The following FAM228B variants were observed in gnomAD, a reference collection of about 807,000 sequenced individuals.
FAM228B encodes family with sequence similarity 228 member B.
FAM228B carries 38 observed loss-of-function variants against 42.6 expected under a neutral mutation model. The observed-to-expected ratio is 0.89, with a 90% CI of 0.69 to 1.17. FAM228B has a LOEUF of 1.17. FAM228B is among the 50% of genes most tolerant of loss of function. The probability of loss-of-function intolerance (pLI) is 0.00; values close to 1 mark genes in which losing one functional copy is unlikely to be tolerated. For missense variants in FAM228B, 344 were observed against 367.3 expected (o/e 0.94, Z 0.52); for synonymous variants, 109 against 122.3 (o/e 0.89, Z 0.72).
upstream of FAM228B, chr2:24,123,327 G>T (rs1027728115): frequency 2.0e-5 from 3 of 152,218 alleles, no homozygotes; most frequent in Non-Finnish European, 2.9e-5. Context: ...GGTGGCGGCG[G>T]CAGGATTGGC....
Position 24,158,214 on chromosome 2 carries a change from C to CTTTTTTTTTTTTT in FAM228B, c.687-3292_687-3291insTTTTTTTTTTTTT, listed in dbSNP as rs1206913020. Among the ~76,000 whole-genome samples, 5 of 95,704 alleles carry CTTTTTTTTTTTTT rather than the reference C, an allele frequency of 5.2e-5. 1 individual carries two copies. The highest frequency in any genetic ancestry group is 9.3e-5 in the Non-Finnish European group (5 of 53,784). 62.8% of individuals were successfully genotyped at this position (95,704 alleles called of 152,430 possible). A position where few individuals can be genotyped will look rare whatever the true frequency, so the allele number is the denominator to read the frequency against. The stretch of plus-strand genomic sequence containing the variant: ...GAACCTCCTTTTTTTTTTTTTTTTT[C>CTTTTTTTTTTTTT]CAAAACATTGTTCCCAAGACTCTAT... On this transcript the variant is annotated intron_variant, in intron 7 of 10. Coordinates refer to ENST00000615575, the MANE Select transcript of FAM228B (RefSeq NM_001145710.2).
chr2:24,126,880 T>C (rs1334420593), intron 2 of FAM228B, among the ~76,000 whole-genome samples: 5 of 152,190 alleles, frequency 3.3e-5, no homozygotes, highest in African/African-American at 9.6e-5. Context: ...CGCCTCGGCC[T>C]CCCAAAGTGC....
At chr2:24,092,391 A>G (rs918369514) in intron 2 of FAM228B, among the ~76,000 whole-genome samples, 1 of 152,032 alleles carries the variant, frequency 6.6e-6, no homozygotes, top group Admixed American at 6.6e-5. Context: ...CCTGGCCAAC[A>G]TGGTGAAACC....
At chr2:24,097,229 A>T (rs559433642) in intron 3 of FAM228B, 1 of 152,304 alleles carries the variant, frequency 6.6e-6, no homozygotes, top group East Asian at 1.9e-4. Context: ...AACGGGCAAA[A>T]TAACCAGCGA....
chr2:24,123,745 C>T (rs1239545413), intron 1 of FAM228B, among the ~76,000 whole-genome samples: 2 of 151,572 alleles, frequency 1.3e-5, no homozygotes, highest in African/African-American at 4.8e-5. Context: ...GCGCGGGAGG[C>T]CCCCGGCCCG....
chr2:24,124,537 T>C (rs969891469), intron 2 of FAM228B, 77 bp downstream of exon 2: 2 of 800,172 alleles, frequency 2.5e-6, no homozygotes, highest in African/African-American at 3.5e-5. Flanking sequence ...GTGCTAAATA[T>C]ATTGTTTTTT....
upstream of FAM228B, chr2:24,122,546 C>A (rs778088057): frequency 1.3e-6 from 2 of 1,580,740 alleles, no homozygotes; most frequent in Non-Finnish European, 1.7e-6. Context: ...GTTCCCTCAA[C>A]TCTGAAAGGG....
At chr2:24,098,851 A>G (rs1220752314) in intron 3 of FAM228B, among the ~76,000 whole-genome samples, 1 of 152,220 alleles carries the variant, frequency 6.6e-6, no homozygotes, top group Non-Finnish European at 1.5e-5. Context: ...TTAGACCAAT[A>G]TCCCTGATGA....
At chr2:24,122,381 G>A (rs776696285), upstream of FAM228B, 75 of 1,360,050 alleles carry the variant, frequency 5.5e-5, no homozygotes, top group Non-Finnish European at 7.8e-5. Flanking sequence ...GAAATAATAA[G>A]TAAATCAAGT....
chr2:24,140,338 G>C (rs1047655783), intron 5 of FAM228B, among the ~76,000 whole-genome samples: 1 of 151,986 alleles, frequency 6.6e-6, no homozygotes, highest in African/African-American at 2.4e-5. Flanking sequence ...CATCATGCTC[G>C]GCTAATTTTT....
chr2:24,146,800 A>G lies in FAM228B; in HGVS notation c.494A>G (p.Asp165Gly), dbSNP rs1237688565. 5 of 1,550,166 alleles carry G rather than the reference A, an allele frequency of 3.2e-6. No homozygotes were observed. In the African/African-American group the frequency reaches 4.1e-5, roughly 13 times the overall value. The change falls in exon 6 of 11, where the codon GAT becomes GGT. Residue 165 changes from aspartate (D) to glycine (G), a missense_variant. Asp to Gly is a moderately conservative substitution (Grantham distance 94). Coordinates refer to ENST00000615575, the MANE Select transcript of FAM228B (RefSeq NM_001145710.2). ...TTGAAAAAAGCACAATATGACAAGG[A>G]TAACGAAAAAAGAACTCTTCTTCAG... Reference protein sequence around the residue: ...DPLKKAQYDKDNEKRTLLQCE... With the variant: ...DPLKKAQYDKGNEKRTLLQCE...
intron 3 of FAM228B, among the ~76,000 whole-genome samples, chr2:24,136,929 T>C (rs1459219177): frequency 6.6e-6 from 1 of 152,272 alleles, no homozygotes; most frequent in Non-Finnish European, 1.5e-5. Flanking sequence ...TCCTCATTTC[T>C]CCCTCCCCCA....
intron 2 of FAM228B, among the ~76,000 whole-genome samples, chr2:24,090,834 A>G (rs866971154): frequency 6.6e-6 from 1 of 152,128 alleles, no homozygotes. Flanking sequence ...TCTGTTGCCC[A>G]TGCTGGAGTG....
rs1396648813 is a variant in FAM228B at position 24,124,357 on chromosome 2, C to T, written c.-5C>T. On this transcript the variant is annotated 5_prime_UTR_variant, in exon 2 of 11. Transcript: ENST00000615575. ...TTTCCAGGGGCATTGTTATTTGTGACCACAATGAAAAATGTAGACAGTGAT... is the reference window on the plus strand; with the variant it reads ...TTTCCAGGGGCATTGTTATTTGTGATCACAATGAAAAATGTAGACAGTGAT... The T allele has an allele frequency of 6.5e-6, 10 of 1,531,426 alleles. No individual in the cohort carries two copies. The Admixed American group carries it at 2.1e-4, about 32-fold the overall frequency. 94.9% of individuals were successfully genotyped at this position (1,531,426 alleles called of 1,614,324 possible).
At chr2:24,123,660 G>C (rs1028999654) in intron 1 of FAM228B, 127 bp downstream of exon 1, 34 of 151,812 alleles carry the variant, frequency 2.2e-4, no homozygotes, top group African/African-American at 8.2e-4. Flanking sequence ...TGCTGGCCTT[G>C]GGAGGGCAGA....
chr2:24,082,447 C>T (rs1319505968), intron 2 of FAM228B, among the ~76,000 whole-genome samples: 1 of 152,246 alleles, frequency 6.6e-6, no homozygotes, highest in African/African-American at 2.4e-5. Context: ...CTATGGTCAT[C>T]TGATCTTATG....
At chr2:24,105,822 G>C (rs573241724) in intron 3 of FAM228B, among the ~76,000 whole-genome samples, 139 of 152,258 alleles carry the variant, frequency 9.1e-4, no homozygotes, top group Middle Eastern at 3.4e-3. Flanking sequence ...CATTCTAACT[G>C]CAAGTATTAA....
At chr2:24,164,066 A>C in intron 8 of FAM228B, 132 bp from the exon 9 acceptor site, 2 of 849,784 alleles carry the variant, frequency 2.4e-6, no homozygotes, top group South Asian at 2.0e-5. Flanking sequence ...AAAAAAAGTA[A>C]ATACGTTTAT....
chr2:24,163,908 A>G (rs1378737665), intron 8 of FAM228B, among the ~76,000 whole-genome samples: 1 of 152,104 alleles, frequency 6.6e-6, no homozygotes, highest in African/African-American at 2.4e-5. Flanking sequence ...GCAGAGTTAG[A>G]CCTTCTCAGG....
Sources: allele counts gnomAD v4.1 joint callset (sites outside exome capture counted in the v4.1 genomes callset), GRCh38; gene constraint gnomAD v4.1.1; transcripts MANE v1.5; gene names NCBI Gene and HGNC (gene_info 2026-07-23, HGNC 2026-07-21).